Variants in CNGB3 observed in about 807,000 individuals in gnomAD.
CNGB3 encodes cyclic nucleotide-gated channel beta-3.
A neutral mutation model predicts 92.8 loss-of-function variants in CNGB3; 86 were observed. The ratio of observed to expected loss-of-function variants is 0.93; its 90% confidence interval spans 0.78 to 1.11. The LOEUF (loss-of-function observed/expected upper bound fraction) is 1.11, where lower values mean the gene tolerates loss of function less well. Among genes scored for constraint, CNGB3 ranks in the 50% least tolerant of loss-of-function variants. The pLI is 0.00. For missense variants in CNGB3, 1,026 were observed against 956.8 expected, an observed-to-expected ratio of 1.07 and a Z score of -0.95; for synonymous variants, 333 against 332.7, an observed-to-expected ratio of 1.00 and a Z score of -0.01.
At chr8:86,666,641 G>A (rs1328217624) in intron 6 of CNGB3, among the ~76,000 whole-genome samples, 1 of 152,040 alleles carries the variant, frequency 6.6e-6, no homozygotes, top group African/African-American at 2.4e-5. Flanking sequence ...CACTTCACAG[G>A]CCTCAACTTA....
At chr8:86,655,271 T>C (rs1585995737) in intron 6 of CNGB3, among the ~76,000 whole-genome samples, 2 of 152,216 alleles carry the variant, frequency 1.3e-5, no homozygotes, top group African/African-American at 4.8e-5. Context: ...AGATGATCTC[T>C]AAATCAGATC....
At chr8:86,686,452 C>T (rs925763465) in intron 3 of CNGB3, among the ~76,000 whole-genome samples, 8 of 152,050 alleles carry the variant, frequency 5.3e-5, no homozygotes, top group Admixed American at 1.3e-4. Flanking sequence ...ACAGAATCAT[C>T]CTATTGGCTA....
chr8:86,667,251 G>A (rs1823761856), intron 5 of CNGB3, 118 bp from the exon 6 acceptor site: 3 of 845,956 alleles, frequency 3.5e-6, no homozygotes, highest in Non-Finnish European at 5.9e-6. Flanking sequence ...GCCATAGGAG[G>A]CTCTATTAAA....
chr8:86,732,620 C>A (rs1403889086), intron 2 of CNGB3, among the ~76,000 whole-genome samples: 1 of 152,200 alleles, frequency 6.6e-6, no homozygotes, highest in Non-Finnish European at 1.5e-5. Context: ...CGAGCCCCTG[C>A]CACTGAAGGT....
At chr8:86,578,220 G>A (rs1467469766) in intron 17 of CNGB3, among the ~76,000 whole-genome samples, 1 of 152,044 alleles carries the variant, frequency 6.6e-6, no homozygotes, top group Admixed American at 6.6e-5. Context: ...AGGGTCATTC[G>A]TTTATAGTAT....
At chr8:86,739,882 T>A in intron 1 of CNGB3, 146 bp from the exon 2 acceptor site, 4 of 1,012,012 alleles carry the variant, frequency 4.0e-6, no homozygotes, top group Non-Finnish European at 5.9e-6. Context: ...TTCTTGCATT[T>A]AAAATGGGCA....
chr8:86,634,892 A>G (rs1563734978), intron 10 of CNGB3, among the ~76,000 whole-genome samples: 1 of 152,030 alleles, frequency 6.6e-6, no homozygotes, highest in Non-Finnish European at 1.5e-5. Context: ...TGAAGTTAAT[A>G]TTCAAATAAA....
chr8:86,743,142 A>G (rs186786799), intron 1 of CNGB3, among the ~76,000 whole-genome samples: 188 of 152,256 alleles, frequency 1.2e-3, no homozygotes, highest in Middle Eastern at 3.4e-3. Context: ...TATTGTTAAC[A>G]TGTGGTTTAT....
intron 15 of CNGB3, among the ~76,000 whole-genome samples, chr8:86,587,380 G>T (rs1473729994): frequency 1.3e-5 from 2 of 152,062 alleles, no homozygotes; most frequent in Admixed American, 6.5e-5. Flanking sequence ...TGTTGCCATT[G>T]CTTTTGGTGT....
chr8:86,650,109 C>G (rs1300295052), intron 7 of CNGB3, among the ~76,000 whole-genome samples: 2 of 151,506 alleles, frequency 1.3e-5, no homozygotes, highest in Non-Finnish European at 3.0e-5. Flanking sequence ...AGGTATTGAT[C>G]TTTGTAACAA....
chr8:86,693,799 AT>A (rs1179215202), intron 3 of CNGB3, among the ~76,000 whole-genome samples: 2 of 150,428 alleles, frequency 1.3e-5, no homozygotes, highest in Non-Finnish European at 3.0e-5. Flanking sequence ...AGGCAGAAGA[AT>A]TTTTCTTAGT....
chr8:86,671,167 C>A, intron 3 of CNGB3, 69 bp from the exon 4 acceptor site: 1 of 1,534,370 alleles, frequency 6.5e-7, no homozygotes, highest in Non-Finnish European at 9.0e-7. Context: ...AAGATTAAAT[C>A]TTTTCACCTT....
At chr8:86,728,421 T>A (rs1400378047) in intron 2 of CNGB3, among the ~76,000 whole-genome samples, 2 of 152,100 alleles carry the variant, frequency 1.3e-5, no homozygotes, top group Non-Finnish European at 1.5e-5. Flanking sequence ...GAGAGAAGGA[T>A]CTGTTTTCCT....
chr8:86,743,224 T>C (rs539655443), intron 1 of CNGB3, among the ~76,000 whole-genome samples: 1 of 152,352 alleles, frequency 6.6e-6, no homozygotes, highest in East Asian at 1.9e-4. Flanking sequence ...AGAAATGGTT[T>C]CATTTTGGAT....
chr8:86,731,406 G>C (rs1825153079), intron 2 of CNGB3, among the ~76,000 whole-genome samples: 1 of 152,136 alleles, frequency 6.6e-6, no homozygotes, highest in African/African-American at 2.4e-5. Context: ...TTGTATTTAG[G>C]AAGATTTTTG....
intron 15 of CNGB3, among the ~76,000 whole-genome samples, chr8:86,586,400 T>G (rs1821891377): frequency 6.6e-6 from 1 of 151,948 alleles, no homozygotes; most frequent in African/African-American, 2.4e-5. Flanking sequence ...GTTAGTTACA[T>G]ATGTATACAT....
chr8:86,714,115 C>G (rs1249536547), intron 3 of CNGB3, among the ~76,000 whole-genome samples: 1 of 152,150 alleles, frequency 6.6e-6, no homozygotes, highest in Non-Finnish European at 1.5e-5. Context: ...ATGTATCCAT[C>G]ATCATAGTAT....
intron 6 of CNGB3, among the ~76,000 whole-genome samples, chr8:86,662,911 G>A (rs886954199): frequency 2.6e-5 from 4 of 152,166 alleles, no homozygotes; most frequent in Non-Finnish European, 4.4e-5. Context: ...TCCTGCAACA[G>A]TACGACTATT....
chr8:86,735,509 A>G (rs751470536), intron 2 of CNGB3, among the ~76,000 whole-genome samples: 3 of 152,130 alleles, frequency 2.0e-5, no homozygotes, highest in Non-Finnish European at 4.4e-5. Context: ...AGAAGTCTAA[A>G]ACGTGTCTGA....
Sources: gnomAD v4.1 joint callset for allele counts (sites outside exome capture counted in the v4.1 genomes callset) on GRCh38, gnomAD v4.1.1 for gene constraint, MANE v1.5 for transcripts, NCBI Gene and HGNC (gene_info 2026-07-23, HGNC 2026-07-21) for gene names.